The following PIP5K1B variants were observed in gnomAD, a reference collection of about 807,000 sequenced individuals.
PIP5K1B encodes phosphatidylinositol-4-phosphate 5-kinase type 1 beta.
In PIP5K1B, 42 loss-of-function variants were observed where a neutral mutation model predicts 67.0. That is an observed-to-expected ratio of 0.63 (90% CI 0.49 to 0.81). The LOEUF (loss-of-function observed/expected upper bound fraction) is 0.81, where lower values mean the gene tolerates loss of function less well. Ranked by LOEUF, PIP5K1B falls within the 30% of genes least tolerant of loss-of-function variation. The pLI is 0.00. For missense variants in PIP5K1B, 459 were observed against 646.3 expected (o/e 0.71, Z 3.14); for synonymous variants, 214 against 231.4 (o/e 0.92, Z 0.68).
chr9:68,908,487 A>G (rs1176982220), intron 8 of PIP5K1B, among the ~76,000 whole-genome samples: 1 of 151,956 alleles, frequency 6.6e-6, no homozygotes. Flanking sequence ...CCAAGTTCTA[A>G]ATCACGGCAT....
At chr9:68,780,097 C>CAAAAAAA in intron 2 of PIP5K1B, 1 of 1,458,192 alleles carries the variant, frequency 6.9e-7, no homozygotes, top group Admixed American at 2.7e-5. Context: ...CGGCGGCGGC[C>CAAAAAAA]CTGGACTGCG....
In PIP5K1B at chr9:68,982,494, C is replaced by A. The variant is rs1325583374; in HGVS notation, c.1503-8646C>A. Reference sequence around the variant, plus strand: ...ATTACTGGCCAGGCACGGTGGCTCACGCCTGTAATCCCAGCACTCTGGGAG... The same window carrying A: ...ATTACTGGCCAGGCACGGTGGCTCAAGCCTGTAATCCCAGCACTCTGGGAG... On this transcript the variant is annotated intron_variant, in intron 14 of 15. Transcript: ENST00000265382. 2.0e-5 allele frequency among the ~76,000 whole-genome samples: 3 copies of A among 152,166 alleles called. No homozygotes were observed. In the South Asian group the frequency reaches 6.2e-4, roughly 31 times the overall value.
At chr9:68,808,683 G>A (rs751677058) in intron 2 of PIP5K1B, among the ~76,000 whole-genome samples, 2 of 152,200 alleles carry the variant, frequency 1.3e-5, no homozygotes, top group Non-Finnish European at 2.9e-5. Context: ...TTCATTTGAT[G>A]CTGATCCTTT....
intron 1 of PIP5K1B, among the ~76,000 whole-genome samples, chr9:68,733,592 C>A (rs76507900): frequency 4.2e-3 from 552 of 130,698 alleles, no homozygotes; most frequent in African/African-American, 0.016. Flanking sequence ...TTTCTCTTTT[C>A]TTCTGAGATC....
At chr9:68,807,236 G>T (rs1368186417) in intron 2 of PIP5K1B, among the ~76,000 whole-genome samples, 1 of 152,160 alleles carries the variant, frequency 6.6e-6, no homozygotes, top group East Asian at 1.9e-4. Flanking sequence ...TTGAAGAATA[G>T]ATCTTAAGTG....
At chr9:68,780,088 GGCGGCGGCCC>G in intron 2 of PIP5K1B, 1 of 1,326,700 alleles carries the variant, frequency 7.5e-7, no homozygotes, top group Non-Finnish European at 9.7e-7. Context: ...CGGCGGCAGC[GGCGGCGGCCC>G]TGGACTGCGG....
intron 14 of PIP5K1B, among the ~76,000 whole-genome samples, chr9:68,977,744 T>A (rs1216149534): frequency 6.7e-6 from 1 of 149,522 alleles, no homozygotes; most frequent in African/African-American, 2.5e-5. Context: ...AACCTCTGCC[T>A]CCCAGGTTGA....
At chr9:68,752,111 C>G (rs1261417570) in intron 2 of PIP5K1B, among the ~76,000 whole-genome samples, 4 of 151,998 alleles carry the variant, frequency 2.6e-5, no homozygotes, top group Non-Finnish European at 5.9e-5. Context: ...TTCAGTTATT[C>G]CAACTCTAAA....
intron 8 of PIP5K1B, among the ~76,000 whole-genome samples, chr9:68,899,701 C>T (rs763174728): frequency 8.5e-5 from 13 of 152,190 alleles, no homozygotes; most frequent in Non-Finnish European, 1.9e-4. Flanking sequence ...AACAAAAGTA[C>T]ATTTATATTG....
chr9:68,743,292 C>T (rs990634973), intron 2 of PIP5K1B, among the ~76,000 whole-genome samples: 2 of 151,900 alleles, frequency 1.3e-5, no homozygotes, highest in Non-Finnish European at 2.9e-5. Context: ...CAGCCTTGAC[C>T]TTCCAGGCTC....
In PIP5K1B at chr9:68,991,208, A is replaced by C. The variant is rs772689582; in HGVS notation, c.1571A>C (p.Asn524Thr). The C allele has an allele frequency of 1.2e-6, 2 of 1,612,484 alleles. No homozygotes were observed. The highest frequency in any genetic ancestry group is 2.2e-5 in the South Asian group (2 of 91,056). Reference sequence around the variant, plus strand: ...ACCATCTACTTGACCGCTGAGCCCAACACTCTGGAAGTGCAGGATGACAAT... The same window carrying C: ...ACCATCTACTTGACCGCTGAGCCCACCACTCTGGAAGTGCAGGATGACAAT... ...EGTIYLTAEP[N>T]TLEVQDDNAS... Residue 524 changes from asparagine to threonine, a missense_variant, in exon 15 of 16, where the codon AAC (asparagine) becomes ACC (threonine). Asn to Thr is a moderately conservative substitution (Grantham distance 65). Coordinates refer to ENST00000265382, the MANE Select transcript of PIP5K1B (RefSeq NM_003558.4).
intron 14 of PIP5K1B, among the ~76,000 whole-genome samples, chr9:68,985,930 G>C (rs1830078036): frequency 6.6e-6 from 1 of 152,194 alleles, no homozygotes; most frequent in Non-Finnish European, 1.5e-5. Flanking sequence ...TCATGTTGTT[G>C]CATATATCAG....
intron 14 of PIP5K1B, among the ~76,000 whole-genome samples, chr9:68,988,123 A>G (rs1300546197): frequency 1.3e-5 from 2 of 152,156 alleles, no homozygotes; most frequent in Non-Finnish European, 2.9e-5. Context: ...GTCTTCCCAA[A>G]CAGTTCAGGG....
intron 2 of PIP5K1B, among the ~76,000 whole-genome samples, chr9:68,809,907 G>A (rs984478595): frequency 4.6e-5 from 7 of 152,164 alleles, no homozygotes; most frequent in Non-Finnish European, 7.3e-5. Flanking sequence ...CTTTGAAGAC[G>A]AGTACCTGTC....
chr9:68,811,304 T>C (rs185929934), intron 2 of PIP5K1B, among the ~76,000 whole-genome samples: 164 of 152,292 alleles, frequency 1.1e-3, no homozygotes, highest in East Asian at 1.3e-3. Flanking sequence ...TCGTTTGTCC[T>C]TAGAGCCATT....
intron 12 of PIP5K1B, among the ~76,000 whole-genome samples, chr9:68,924,262 C>T (rs931292977): frequency 2.6e-5 from 4 of 151,240 alleles, no homozygotes; most frequent in African/African-American, 7.3e-5. Context: ...ATTAGCCAGA[C>T]GTCGTGGTAT....
At chr9:68,720,586 A>T (rs918876625) in intron 1 of PIP5K1B, among the ~76,000 whole-genome samples, 6 of 152,088 alleles carry the variant, frequency 3.9e-5, no homozygotes, top group African/African-American at 1.4e-4. Context: ...CCAATTTTTT[A>T]AAAATGTTCT....
At chr9:68,824,443 T>C (rs1444095867) in intron 4 of PIP5K1B, among the ~76,000 whole-genome samples, 1 of 152,224 alleles carries the variant, frequency 6.6e-6, no homozygotes, top group East Asian at 1.9e-4. Context: ...CTCAGCAATG[T>C]TTTTTAGGTT....
chr9:68,917,503 C>G, intron 8 of PIP5K1B, 45 bp from the exon 9 acceptor site: 3 of 1,380,176 alleles, frequency 2.2e-6, no homozygotes, highest in South Asian at 1.2e-5. Flanking sequence ...ATGAGACGAA[C>G]AGGCCTTTGG....
Sources: allele counts gnomAD v4.1 joint callset (sites outside exome capture counted in the v4.1 genomes callset), GRCh38; gene constraint gnomAD v4.1.1; transcripts MANE v1.5; gene names NCBI Gene and HGNC (gene_info 2026-07-23, HGNC 2026-07-21).